The following CARMIL1 variants were observed in gnomAD, a reference collection of about 807,000 sequenced individuals.
CARMIL1 encodes F-actin-uncapping protein LRRC16A.
A neutral mutation model predicts 177.1 loss-of-function variants in CARMIL1; 90 were observed. That is an observed-to-expected ratio of 0.51 (90% CI 0.43 to 0.61). The LOEUF (loss-of-function observed/expected upper bound fraction) is 0.61. CARMIL1 is among the 20% of genes least tolerant of loss of function. The probability of loss-of-function intolerance (pLI) is 0.00; values close to 1 mark genes in which losing one functional copy is unlikely to be tolerated. For synonymous variants in CARMIL1, 577 were observed against 606.2 expected, an observed-to-expected ratio of 0.95 and a Z score of 0.71; for missense variants, 1,380 against 1,667.0, an observed-to-expected ratio of 0.83 and a Z score of 3.00.
intron 2 of CARMIL1, among the ~76,000 whole-genome samples, chr6:25,369,386 T>G (rs1790184602): frequency 6.6e-6 from 1 of 151,076 alleles, no homozygotes; most frequent in Admixed American, 6.6e-5. Context: ...TTTGTTTTTT[T>G]TTTTTTTTTT....
intron 5 of CARMIL1, among the ~76,000 whole-genome samples, chr6:25,437,042 A>G (rs9379769): frequency 0.1 from 15,415 of 152,096 alleles, 883 homozygotes; most frequent in East Asian, 0.2. Flanking sequence ...AAGAAGCAAA[A>G]CCTTAGGAAT....
chr6:25,309,394 C>T (rs375357575), intron 2 of CARMIL1, among the ~76,000 whole-genome samples: 13 of 145,980 alleles, frequency 8.9e-5, no homozygotes, highest in African/African-American at 3.0e-4. Context: ...ACATACCATA[C>T]ATTTCACCTG....
chr6:25,462,069 A>G (rs994717079), intron 8 of CARMIL1, among the ~76,000 whole-genome samples: 4 of 152,138 alleles, frequency 2.6e-5, no homozygotes, highest in Admixed American at 6.6e-5. Context: ...TTTTGGATAC[A>G]ATTCCTTTTT....
intron 29 of CARMIL1, among the ~76,000 whole-genome samples, chr6:25,565,002 T>G (rs1052701320): frequency 6.6e-5 from 10 of 152,146 alleles, no homozygotes; most frequent in Non-Finnish European, 8.8e-5. Context: ...TGGCACATAC[T>G]AGGCCCTCAG....
chr6:25,550,936 T>C lies in CARMIL1; in HGVS notation c.2355T>C (p.Ala785=), dbSNP rs764578973. The C allele has an allele frequency of 1.3e-5, 21 of 1,613,410 alleles. No homozygotes were observed. Among genetic ancestry groups the C allele is most frequent in the Non-Finnish European group, 1.7e-5 (20 of 1,179,572 alleles). The change falls in exon 27 of 37, where the codon GCT becomes GCC. Residue 785 remains alanine, a synonymous_variant. Transcript: ENST00000329474. Reference sequence around the variant, plus strand: ...CGTTGCTTGAGTCCATGGTTGATGCTGCTGAGAATCTTTGTCCCAATGTGA... The same window carrying C: ...CGTTGCTTGAGTCCATGGTTGATGCCGCTGAGAATCTTTGTCCCAATGTGA... ...LKALLESMVD[A]AENLCPNVMK...
chr6:25,310,136 A>AGGTGT (rs1318101658), intron 2 of CARMIL1, among the ~76,000 whole-genome samples: 1 of 152,138 alleles, frequency 6.6e-6, no homozygotes, highest in African/African-American at 2.4e-5. Flanking sequence ...CTATGTGAGT[A>AGGTGT]ATGCTCTTAT....
rs536436271 is a variant in CARMIL1, at chr6:25,610,063, C to G, written c.3861C>G (p.Asp1287Glu). The stretch of plus-strand genomic sequence containing the variant: ...GTGTCTCCTTAGATGACATTCCAGA[C>G]TCTCCATCTAGCCCGAAAGTTGCCC... ...RTASRPDDIP[D>E]SPSSPKVALL... The change falls in exon 36 of 37, where the codon GAC (aspartate) becomes GAG (glutamate). Residue 1287 changes from aspartate to glutamate, a missense_variant. By Grantham distance (45) the Asp-to-Glu change is conservative (BLOSUM62 2). Coordinates refer to ENST00000329474, the MANE Select transcript of CARMIL1 (RefSeq NM_017640.6). 6.2e-7 allele frequency: 1 copy of G among 1,613,808 alleles called. No homozygotes were observed. The highest frequency in any genetic ancestry group is 1.1e-5 in the South Asian group (1 of 91,044).
At chr6:25,364,624 C>T (rs1320627887) in intron 2 of CARMIL1, among the ~76,000 whole-genome samples, 3 of 151,130 alleles carry the variant, frequency 2.0e-5, no homozygotes, top group Non-Finnish European at 2.9e-5. Flanking sequence ...AGTGCAGTGG[C>T]GCGATCTTGG....
At chr6:25,301,138 C>T (rs1286341748) in intron 2 of CARMIL1, among the ~76,000 whole-genome samples, 6 of 152,244 alleles carry the variant, frequency 3.9e-5, no homozygotes, top group South Asian at 2.1e-4. Context: ...TCCCAAGGTA[C>T]GCATCGATAG....
At chr6:25,321,672 T>A (rs914790525) in intron 2 of CARMIL1, among the ~76,000 whole-genome samples, 1 of 152,128 alleles carries the variant, frequency 6.6e-6, no homozygotes, top group Non-Finnish European at 1.5e-5. Flanking sequence ...ATTTAATTTT[T>A]TTTTTTTAGC....
intron 31 of CARMIL1, among the ~76,000 whole-genome samples, chr6:25,589,501 A>G (rs1275032474): frequency 6.6e-6 from 1 of 152,054 alleles, no homozygotes; most frequent in Non-Finnish European, 1.5e-5. Context: ...TTATTTATTT[A>G]TTTTTGAGAC....
At position 25,490,555 on chromosome 6, in the gene CARMIL1, G is replaced by A. The variant is rs1161345250; in HGVS notation, c.1066-1177G>A. 2.0e-5 allele frequency among the ~76,000 whole-genome samples: 3 copies of A among 151,992 alleles called. No homozygotes were observed. In the East Asian group the frequency reaches 5.8e-4, roughly 29 times the overall value. ...TCTACAAAAAATACAAAAATTAGCT[G>A]GGCGTGGTGTCACATGCCTGTAGTC... On this transcript the variant is annotated intron_variant, in intron 13 of 36. Coordinates refer to ENST00000329474, the MANE Select transcript of CARMIL1 (RefSeq NM_017640.6).
chr6:25,429,776 T>G (rs1317716433), intron 4 of CARMIL1, among the ~76,000 whole-genome samples: 1 of 145,378 alleles, frequency 6.9e-6, no homozygotes, highest in African/African-American at 2.8e-5. Context: ...ATTAGTTATA[T>G]TGATTAATTT....
chr6:25,516,347 C>A (rs1452280532), intron 21 of CARMIL1, among the ~76,000 whole-genome samples: 1 of 152,190 alleles, frequency 6.6e-6, no homozygotes, highest in Admixed American at 6.5e-5. Flanking sequence ...CAGTTTTATT[C>A]CATGTTTCCT....
chr6:25,500,315 C>A, intron 17 of CARMIL1, 80 bp downstream of exon 17: 1 of 1,155,770 alleles, frequency 8.7e-7, no homozygotes, highest in Non-Finnish European at 1.3e-6. Context: ...AAATTTGATA[C>A]TGTGATTCCA....
At chr6:25,465,166 A>G (rs1005418068) in intron 8 of CARMIL1, among the ~76,000 whole-genome samples, 16 of 151,898 alleles carry the variant, frequency 1.1e-4, no homozygotes, top group African/African-American at 3.4e-4. Flanking sequence ...GGTAGGCAGT[A>G]CCTTGCTTGC....
intron 2 of CARMIL1, among the ~76,000 whole-genome samples, chr6:25,304,820 A>G (rs777960574): frequency 6.6e-6 from 1 of 152,232 alleles, no homozygotes; most frequent in South Asian, 2.1e-4. Flanking sequence ...TGAATGTCAC[A>G]GTTTTACTGT....
intron 23 of CARMIL1, among the ~76,000 whole-genome samples, chr6:25,526,272 G>C (rs987061536): frequency 6.6e-6 from 1 of 151,958 alleles, no homozygotes; most frequent in African/African-American, 2.4e-5. Context: ...GAACCCGGGG[G>C]GTGGAGCTTG....
intron 29 of CARMIL1, among the ~76,000 whole-genome samples, chr6:25,566,046 A>G (rs186890823): frequency 2.0e-4 from 31 of 152,218 alleles, no homozygotes; most frequent in Admixed American, 1.9e-3. Context: ...TCTACCTGTC[A>G]GCCTCAATCT....
Sources: allele counts gnomAD v4.1 joint callset (sites outside exome capture counted in the v4.1 genomes callset), GRCh38; gene constraint gnomAD v4.1.1; transcripts MANE v1.5; gene names NCBI Gene and HGNC (gene_info 2026-07-23, HGNC 2026-07-21).